The following RRP15 variants were observed in gnomAD, a reference collection of about 807,000 sequenced individuals.
The protein encoded by RRP15 is RRP15-like protein.
RRP15 carries 18 observed loss-of-function variants against 27.1 expected under a neutral mutation model. The observed-to-expected ratio is 0.66, with a 90% CI of 0.46 to 0.98. The LOEUF is 0.98. Ranked by LOEUF, RRP15 falls within the 50% of genes least tolerant of loss-of-function variation. The pLI is 0.00. For missense variants in RRP15, 359 were observed against 337.8 expected, an observed-to-expected ratio of 1.06 and a Z score of -0.49; for synonymous variants, 107 against 109.4, an observed-to-expected ratio of 0.98 and a Z score of 0.14.
chr1:218,309,433 C>G (rs1404631336), intron 4 of RRP15, among the ~76,000 whole-genome samples: 1 of 151,932 alleles, frequency 6.6e-6, no homozygotes, highest in Non-Finnish European at 1.5e-5. Context: ...GCCTGTAATC[C>G]CAGCACTTTG....
At chr1:218,326,167 G>A (rs537135191) in intron 4 of RRP15, among the ~76,000 whole-genome samples, 34 of 152,222 alleles carry the variant, frequency 2.2e-4, no homozygotes, top group Middle Eastern at 3.4e-3. Flanking sequence ...TTAGCTGGGC[G>A]TGGTGGCAGG....
At chr1:218,298,645 G>A (rs1480111149) in intron 1 of RRP15, among the ~76,000 whole-genome samples, 4 of 152,126 alleles carry the variant, frequency 2.6e-5, no homozygotes, top group Admixed American at 6.6e-5. Context: ...TAAGAAATGC[G>A]TTATGACTAC....
chr1:218,302,232 G>A (rs1048255291), intron 1 of RRP15, 62 bp from the exon 2 acceptor site: 28 of 1,327,010 alleles, frequency 2.1e-5, no homozygotes, highest in Non-Finnish European at 2.3e-5. Flanking sequence ...GGTTCGGGGG[G>A]CCTTGGCAGC....
rs760755252 is a variant in RRP15 at position 218,332,753 on chromosome 1, C to T, written c.*1662C>T. Reference sequence around the variant, plus strand: ...CTAACTTTTGAACATTAGTGTCTTTCAGTATAAATAAATGTGAACAAATAT... The same window carrying T: ...CTAACTTTTGAACATTAGTGTCTTTTAGTATAAATAAATGTGAACAAATAT... On this transcript the variant is annotated 3_prime_UTR_variant, in exon 5 of 5. Transcript: ENST00000366932. The T allele has an allele frequency of 1.3e-5, 2 of 150,894 alleles. No individual in the cohort carries two copies. Among genetic ancestry groups the T allele is most frequent in the Non-Finnish European group, 2.9e-5 (2 of 67,844 alleles). 9.3% of individuals were successfully genotyped at this position (150,894 alleles called of 1,614,324 possible).
intron 3 of RRP15, among the ~76,000 whole-genome samples, 174 bp downstream of exon 3, chr1:218,305,299 A>G (rs1655881629): frequency 6.6e-6 from 1 of 152,224 alleles, no homozygotes; most frequent in Non-Finnish European, 1.5e-5. Context: ...CTCGTGAAGC[A>G]AGAATATAAT....
rs946176643 is a variant in RRP15, at chr1:218,335,499, T to C, written c.*4408T>C. The C allele has an allele frequency of 9.9e-5, 15 of 152,212 alleles. No individual in the cohort carries two copies. The highest frequency in any genetic ancestry group is 2.2e-4 in the Non-Finnish European group (15 of 68,038). 9.4% of individuals were successfully genotyped at this position (152,212 alleles called of 1,614,324 possible). On this transcript the variant is annotated 3_prime_UTR_variant, in exon 5 of 5. Transcript: ENST00000366932. ...CTGTCAATAGGACTTTTTTTGATGA[T>C]GGAAATAATTTATGTCTGTGCTGTT...
At chr1:218,313,777 T>C (rs1360604687) in intron 4 of RRP15, among the ~76,000 whole-genome samples, 1 of 152,122 alleles carries the variant, frequency 6.6e-6, no homozygotes, top group Non-Finnish European at 1.5e-5. Context: ...AGATGAATAG[T>C]CTATTTTAGA....
chr1:218,285,345 T>C lies in RRP15; in HGVS notation c.29T>C (p.Val10Ala), dbSNP rs1296940658. Reference sequence around the variant, plus strand: ...GCAGCCGCCGCTCCGGACTCACGTGTGAGTGAGGAAGAAAACCTGAAAAAG... The same window carrying C: ...GCAGCCGCCGCTCCGGACTCACGTGCGAGTGAGGAAGAAAACCTGAAAAAG... MAAAAPDSR[V>A]SEEENLKKTP... Residue 10 changes from valine to alanine, a missense_variant, in exon 1 of 5, where the codon GTG becomes GCG. By Grantham distance (64) the Val-to-Ala change is moderately conservative. Coordinates refer to ENST00000366932, the MANE Select transcript of RRP15 (RefSeq NM_016052.4). 1 of 1,613,832 alleles carries C rather than the reference T, an allele frequency of 6.2e-7. No individual in the cohort carries two copies.
At position 218,337,424 on chromosome 1, in the gene RRP15, A is replaced by T. The variant is rs1321214255; in HGVS notation, c.*6333A>T. ...ATAGAATTGTTTTTAATAGCAAGAA[A>T]TTTTTTAAAACTTACAAGTTCAGTG... On this transcript the variant is annotated 3_prime_UTR_variant, in exon 5 of 5. Coordinates refer to ENST00000366932, the MANE Select transcript of RRP15 (RefSeq NM_016052.4). 1.3e-5 allele frequency: 2 copies of T among 152,202 alleles called. No individual in the cohort carries two copies. Among genetic ancestry groups the T allele is most frequent in the African/African-American group, 4.8e-5 (2 of 41,452 alleles). 9.4% of individuals were successfully genotyped at this position (152,202 alleles called of 1,614,324 possible).
At chr1:218,328,531 C>T (rs1412689276) in intron 4 of RRP15, among the ~76,000 whole-genome samples, 3 of 151,992 alleles carry the variant, frequency 2.0e-5, no homozygotes, top group Non-Finnish European at 4.4e-5. Flanking sequence ...GGCATGGTGG[C>T]AGGTGCCTAT....
At position 218,314,629 on chromosome 1, in the gene RRP15, T is replaced by G. The variant is rs76860200; in HGVS notation, c.705+6997T>G. ...AAATTGCCAATATATCAATTTCAGG[T>G]TTTTTTTTAATAATGAAACTGAAAT... On this transcript the variant is annotated intron_variant, in intron 4 of 4. Coordinates refer to ENST00000366932, the MANE Select transcript of RRP15 (RefSeq NM_016052.4). Among the ~76,000 whole-genome samples the G allele has an allele frequency of 2.0e-4, 31 of 151,446 alleles. No individual in the cohort carries two copies. In the East Asian group the frequency reaches 3.1e-3, roughly 15 times the overall value.
Position 218,335,530 on chromosome 1 carries a change from T to C in RRP15, c.*4439T>C, listed in dbSNP as rs2102521080. 1 of 152,368 alleles carries C rather than the reference T, an allele frequency of 6.6e-6. No homozygotes were observed. Among genetic ancestry groups the C allele is most frequent in the East Asian group, 1.9e-4 (1 of 5,194 alleles). 9.4% of individuals were successfully genotyped at this position (152,368 alleles called of 1,614,324 possible). On this transcript the variant is annotated 3_prime_UTR_variant, in exon 5 of 5. Coordinates refer to ENST00000366932, the MANE Select transcript of RRP15 (RefSeq NM_016052.4). ...TAATTTATGTCTGTGCTGTTCAATATGGTAGCCACTCGCAGAGGTGACTAC... is the reference window on the plus strand; with the variant it reads ...TAATTTATGTCTGTGCTGTTCAATACGGTAGCCACTCGCAGAGGTGACTAC...
chr1:218,294,141 C>G (rs1655684770), intron 1 of RRP15, among the ~76,000 whole-genome samples: 1 of 152,136 alleles, frequency 6.6e-6, no homozygotes, highest in South Asian at 2.1e-4. Flanking sequence ...GTGTGCTTTT[C>G]TCTATTTTCT....
At position 218,331,650 on chromosome 1, in the gene RRP15, A is replaced by AAT. The variant is rs1656370778; in HGVS notation, c.*559_*560insAT. 1.1e-5 allele frequency: 1 copy of AAT among 94,198 alleles called. No individual in the cohort carries two copies. Among genetic ancestry groups the AAT allele is most frequent in the Non-Finnish European group, 2.3e-5 (1 of 43,636 alleles). The allele number at this position is 94,198 out of a possible 1,614,324, so 5.8% of individuals were successfully genotyped here. ...ATGATTTAAGAAACAACAGATTTCA[A>AAT]CTTTTTTTTTTTTTTTTTTTTTTTT... On this transcript the variant is annotated 3_prime_UTR_variant, in exon 5 of 5. Transcript: ENST00000366932.
At position 218,331,959 on chromosome 1, in the gene RRP15, T is replaced by C. The variant is rs1558214329; in HGVS notation, c.*868T>C. 6.6e-6 allele frequency: 1 copy of C among 152,136 alleles called. No homozygotes were observed. The highest frequency in any genetic ancestry group is 1.5e-5 in the Non-Finnish European group (1 of 68,026). The allele number at this position is 152,136 out of a possible 1,614,324, so 9.4% of individuals were successfully genotyped here. ...TCCCAAAGTGCTGGGATTACAGGCG[T>C]GAGCCACTGCGCCCGGCCCAGATTT... On this transcript the variant is annotated 3_prime_UTR_variant, in exon 5 of 5. Transcript: ENST00000366932.
intron 4 of RRP15, among the ~76,000 whole-genome samples, chr1:218,324,709 A>G (rs781574182): frequency 9.9e-5 from 15 of 151,862 alleles, no homozygotes; most frequent in Non-Finnish European, 2.1e-4. Context: ...TCCTTTGGCC[A>G]CTCAATGTAG....
Position 218,305,913 on chromosome 1 carries a change from T to C in RRP15, c.503+788T>C, listed in dbSNP as rs149375164. ...GTAGTACTGGCTCTTACTAGCAGTG[T>C]GTCCCTGGGCATGCTACTTGATTTC... On this transcript the variant is annotated intron_variant, in intron 3 of 4. Transcript: ENST00000366932. Among the ~76,000 whole-genome samples the C allele has an allele frequency of 1.9e-4, 29 of 152,300 alleles. No individual in the cohort carries two copies. The East Asian group carries it at 5.4e-3, about 28-fold the overall frequency.
intron 2 of RRP15, 22 bp downstream of exon 2, chr1:218,302,581 G>A: frequency 6.2e-7 from 1 of 1,604,148 alleles, no homozygotes; most frequent in South Asian, 1.1e-5. Context: ...CAGTTCTCTT[G>A]TAGATTAGAT....
rs1341195319 is a variant in RRP15 at position 218,332,505 on chromosome 1, T to C, written c.*1414T>C. 2 of 152,170 alleles carry C rather than the reference T, an allele frequency of 1.3e-5. No individual in the cohort carries two copies. Among genetic ancestry groups the C allele is most frequent in the Non-Finnish European group, 2.9e-5 (2 of 68,008 alleles). The allele number at this position is 152,170 out of a possible 1,614,324, so 9.4% of individuals were successfully genotyped here. A position where few individuals can be genotyped will look rare whatever the true frequency, so the allele number is the denominator to read the frequency against. The stretch of plus-strand genomic sequence containing the variant: ...AAATAATTCCCTCCTACCACCCAGT[T>C]GCACATACTTGCATCTGTTATGTAT... On this transcript the variant is annotated 3_prime_UTR_variant, in exon 5 of 5. Coordinates refer to ENST00000366932, the MANE Select transcript of RRP15 (RefSeq NM_016052.4).
Sources: gnomAD v4.1 joint callset for allele counts (sites outside exome capture counted in the v4.1 genomes callset) on GRCh38, gnomAD v4.1.1 for gene constraint, MANE v1.5 for transcripts, NCBI Gene and HGNC (gene_info 2026-07-23, HGNC 2026-07-21) for gene names.